The following OTOF variants were observed in gnomAD, a reference collection of about 807,000 sequenced individuals.
The protein encoded by OTOF is otoferlin.
Under a neutral mutation model 236.8 loss-of-function variants are expected in OTOF, and 218 were observed. The ratio of observed to expected loss-of-function variants is 0.92; its 90% CI spans 0.82 to 1.03. The LOEUF is 1.03. OTOF is among the 50% of genes least tolerant of loss of function. The pLI, the probability that OTOF is intolerant of heterozygous loss-of-function variation, is 0.00. For missense variants in OTOF, 2,590 were observed against 2,694.4 expected (o/e 0.96, Z 0.86); for synonymous variants, 1,041 against 1,072.5 (o/e 0.97, Z 0.57).
rs1572408845 is a variant in OTOF at position 26,466,169 on chromosome 2, A to T, written c.4501-93T>A. 4.6e-6 allele frequency: 7 copies of T among 1,519,178 alleles called. No individual in the cohort carries two copies. In the East Asian group the frequency reaches 1.6e-4, roughly 35 times the overall value. 94.1% of individuals were successfully genotyped at this position (1,519,178 alleles called of 1,614,324 possible). A position where few individuals can be genotyped will look rare whatever the true frequency, so the allele number is the denominator to read the frequency against. ...GCTGCCTGAGGGTCCTATGACAGTGAAGGGCAGGGGCAGGAGCACTGGACC... is the reference window on the plus strand; with the variant it reads ...GCTGCCTGAGGGTCCTATGACAGTGTAGGGCAGGGGCAGGAGCACTGGACC... On this transcript the variant is annotated intron_variant, in intron 36 of 46. Transcript: ENST00000272371.
intron 12 of OTOF, among the ~76,000 whole-genome samples, chr2:26,484,150 A>C (rs111369816): frequency 1.3e-5 from 2 of 152,360 alleles, no homozygotes; most frequent in African/African-American, 4.8e-5. Context: ...TGGAATTGGC[A>C]CACCAGAAGA....
At chr2:26,513,258 C>T (rs1558508017) in intron 5 of OTOF, among the ~76,000 whole-genome samples, 1 of 152,196 alleles carries the variant, frequency 6.6e-6, no homozygotes, top group African/African-American at 2.4e-5. Flanking sequence ...CTGAGGTCCA[C>T]ACTGCCCCTG....
chr2:26,485,880 C>G (rs570648910), intron 11 of OTOF, among the ~76,000 whole-genome samples: 2 of 152,162 alleles, frequency 1.3e-5, no homozygotes, highest in South Asian at 2.1e-4. Flanking sequence ...CAGGAAGGCA[C>G]GTGGATGAGG....
Position 26,473,260 on chromosome 2 carries a change from A to G in OTOF, c.3605T>C (p.Leu1202Ser). The change falls in exon 29 of 47, where the codon TTG becomes TCG. Residue 1202 changes from leucine to serine, a missense_variant. By Grantham distance (145) the Leu-to-Ser change is moderately radical. This residue lies in a region of OTOF where 1,211 missense variants were observed against 1,352.8 expected (regional missense o/e 0.90). Coordinates refer to ENST00000272371, the MANE Select transcript of OTOF (RefSeq NM_194248.3). The surrounding 1 kb of genome is among the most constrained non-coding windows in gnomAD (Gnocchi z 7.2). ...LPENELLHPP[L>S]NIRVVDCRAF... is the part of the protein sequence containing the mutation. ...CCGGCAGTCCACCACACGGATGTTC[A>G]AGGGCGGGTGCAGCAGCTCGTTCTC... The G allele has an allele frequency of 6.2e-7, 1 of 1,613,386 alleles. No individual in the cohort carries two copies. The highest frequency in any genetic ancestry group is 8.5e-7 in the Non-Finnish European group (1 of 1,179,924).
At chr2:26,475,565 C>G (rs1665217441) in intron 24 of OTOF, 72 bp from the exon 25 acceptor site, 2 of 1,538,350 alleles carry the variant, frequency 1.3e-6, no homozygotes, top group Non-Finnish European at 1.8e-6. Context: ...GAAGCCACCC[C>G]TACTCACTCA....
intron 8 of OTOF, among the ~76,000 whole-genome samples, chr2:26,497,868 A>G (rs1472985194): frequency 6.7e-6 from 1 of 150,108 alleles, no homozygotes; most frequent in Non-Finnish European, 1.5e-5. Flanking sequence ...GAGCAAACGG[A>G]CACTAGAAGT....
At chr2:26,514,038 C>T (rs574009662) in intron 5 of OTOF, among the ~76,000 whole-genome samples, 8 of 152,340 alleles carry the variant, frequency 5.3e-5, no homozygotes, top group South Asian at 2.1e-4. Context: ...TTCTTGAACC[C>T]GCTCCACCTT....
chr2:26,480,082 A>G (rs1387484775), intron 16 of OTOF, 121 bp downstream of exon 16: 1 of 737,938 alleles, frequency 1.4e-6, no homozygotes, highest in East Asian at 2.5e-5. Flanking sequence ...AACGTTCCCT[A>G]CAAGAGTGAG....
At chr2:26,532,886 C>T (rs997465295) in intron 2 of OTOF, among the ~76,000 whole-genome samples, 2 of 152,148 alleles carry the variant, frequency 1.3e-5, no homozygotes, top group Admixed American at 1.3e-4. Flanking sequence ...GGCCTGGAAC[C>T]ATCCTAAATC....
At position 26,460,505 on chromosome 2, in the gene OTOF, G is replaced by C. The variant is rs1664409337; in HGVS notation, c.5813+142C>G. ...TTCAAAGGGACGTTGTGGGATTCAG[G>C]GTTGGCAGAGGGCAGGGAGGAGGCT... On this transcript the variant is annotated intron_variant, in intron 45 of 46. Coordinates refer to ENST00000272371, the MANE Select transcript of OTOF (RefSeq NM_194248.3). This position sits in a 1 kb window ranked among gnomAD's most constrained non-coding sequence, Gnocchi z 5.3. The C allele has an allele frequency of 5.5e-6, 4 of 730,030 alleles. No individual in the cohort carries two copies. Among genetic ancestry groups the C allele is most frequent in the African/African-American group, 1.7e-5 (1 of 57,388 alleles). The allele number at this position is 730,030 out of a possible 1,614,324, so 45.2% of individuals were successfully genotyped here. A position where few individuals can be genotyped will look rare whatever the true frequency, so the allele number is the denominator to read the frequency against.
At chr2:26,493,842 G>A (rs1050448648) in intron 9 of OTOF, among the ~76,000 whole-genome samples, 1 of 152,200 alleles carries the variant, frequency 6.6e-6, no homozygotes, top group African/African-American at 2.4e-5. Context: ...ATGGGGAAGT[G>A]GGGGAGGGAC....
chr2:26,483,646 T>C lies in OTOF; in HGVS notation c.1208A>G (p.Asn403Ser). 1 of 1,611,886 alleles carries C rather than the reference T, an allele frequency of 6.2e-7. No homozygotes were observed. The highest frequency in any genetic ancestry group is 1.3e-5 in the African/African-American group (1 of 75,004). ...NETDEDDIEGNLLLPEGVPPE... is the reference protein window; with the variant it reads ...NETDEDDIEGSLLLPEGVPPE... ...GGGCACCCCCTCGGGGAGCAGCAAG[T>C]TCCTGCCAGCACATACAGCCAGGGC... The change falls in exon 13 of 47, where the codon AAC (asparagine) becomes AGC (serine). Residue 403 changes from asparagine (N) to serine (S), a missense_variant and splice_region_variant. Around this residue, in one of 2 missense-constraint regions of OTOF, gnomAD observed 1,379 missense variants for 1,341.6 expected, o/e 1.03. Transcript: ENST00000272371.
At chr2:26,551,134 C>T (rs1342549334) in intron 1 of OTOF, among the ~76,000 whole-genome samples, 2 of 152,138 alleles carry the variant, frequency 1.3e-5, no homozygotes, top group African/African-American at 4.8e-5. Flanking sequence ...GGATTATAGG[C>T]GTGCACCACC....
chr2:26,549,934 C>T (rs1413256837), intron 1 of OTOF, among the ~76,000 whole-genome samples: 7 of 152,156 alleles, frequency 4.6e-5, no homozygotes, highest in South Asian at 2.1e-4. Flanking sequence ...TCCCCTGTTA[C>T]GGTGACAGAG....
intron 41 of OTOF, among the ~76,000 whole-genome samples, chr2:26,463,219 T>C (rs1006300140): frequency 6.6e-5 from 10 of 152,238 alleles, no homozygotes; most frequent in Admixed American, 3.3e-4. Context: ...GAGTGTGCTG[T>C]GTGGGGCTTG....
intron 8 of OTOF, among the ~76,000 whole-genome samples, chr2:26,500,794 G>C (rs1349333261): frequency 1.3e-5 from 2 of 152,304 alleles, no homozygotes; most frequent in Middle Eastern, 3.4e-3. Flanking sequence ...CATCACCTGA[G>C]TGAGGGGAGG....
chr2:26,480,897 G>A lies in OTOF; in HGVS notation c.1692C>T (p.Ser564=). 6.2e-7 allele frequency: 1 copy of A among 1,612,988 alleles called. No homozygotes were observed. Among genetic ancestry groups the A allele is most frequent in the Non-Finnish European group, 8.5e-7 (1 of 1,179,962 alleles). ...GGCCCAGCAGGAGCCGGGCCCGGAA[G>A]GACACACCCTCCCCCAGGCCCTCGT... ...DLNEGLGEGV[S]FRARLLLGLA... The change falls in exon 15 of 47, where the codon TCC becomes TCT. Residue 564 remains serine, a synonymous_variant. Transcript: ENST00000272371.
At chr2:26,555,808 A>G (rs72815292) in intron 1 of OTOF, among the ~76,000 whole-genome samples, 19,089 of 152,180 alleles carry the variant, frequency 0.13, 1,481 homozygotes, top group Non-Finnish European at 0.18. Flanking sequence ...AGCTGCTCCC[A>G]AGGAGAATGG....
At chr2:26,480,762 A>T in intron 15 of OTOF, 24 bp downstream of exon 15, 3 of 1,588,456 alleles carry the variant, frequency 1.9e-6, no homozygotes, top group Non-Finnish European at 2.6e-6. Flanking sequence ...GCCCTGGGGG[A>T]CAGCACAGTG....
Sources: gnomAD v4.1 joint callset for allele counts (sites outside exome capture counted in the v4.1 genomes callset) on GRCh38, gnomAD v4.1.1 for gene constraint, gnomAD v4.1.1 regional missense constraint, Gnocchi (gnomAD v3.1) non-coding constraint, MANE v1.5 for transcripts, NCBI Gene and HGNC (gene_info 2026-07-23, HGNC 2026-07-21) for gene names.